Variants in KCNN3 observed in about 807,000 individuals in gnomAD.
KCNN3 encodes the protein small conductance calcium-activated potassium channel protein 3.
In KCNN3, 16 loss-of-function variants were observed where a neutral mutation model predicts 62.9. The ratio of observed to expected loss-of-function variants is 0.25; its 90% CI spans 0.17 to 0.39. The LOEUF is 0.39. Among genes scored for constraint, KCNN3 ranks in the 10% least tolerant of loss-of-function variants. KCNN3 has a pLI of 1.00. For missense variants in KCNN3, 599 were observed against 949.4 expected, an observed-to-expected ratio of 0.63 and a Z score of 4.85; for synonymous variants, 370 against 389.2, an observed-to-expected ratio of 0.95 and a Z score of 0.58.
chr1:154,813,194 C>G (rs1346738742), intron 2 of KCNN3, among the ~76,000 whole-genome samples: 1 of 145,728 alleles, frequency 6.9e-6, no homozygotes. Flanking sequence ...TTGGGCAGGG[C>G]AGTTGTTAGG....
intron 4 of KCNN3, among the ~76,000 whole-genome samples, chr1:154,729,827 G>T (rs1700552232): frequency 6.6e-6 from 1 of 152,190 alleles, no homozygotes; most frequent in South Asian, 2.1e-4. Flanking sequence ...GACTCAATTT[G>T]TGCTACCTTT....
chr1:154,756,918 C>T (rs10908435), intron 3 of KCNN3, among the ~76,000 whole-genome samples: 54,839 of 151,976 alleles, frequency 0.36, 10,598 homozygotes, highest in Non-Finnish European at 0.44. Context: ...CAGAGCTCCA[C>T]ACCTATACAT....
At chr1:154,737,624 G>A (rs1027345042) in intron 3 of KCNN3, among the ~76,000 whole-genome samples, 3 of 152,000 alleles carry the variant, frequency 2.0e-5, no homozygotes, top group Non-Finnish European at 4.4e-5. Flanking sequence ...TATAATTAAC[G>A]TAAGAGAGAG....
intron 3 of KCNN3, among the ~76,000 whole-genome samples, chr1:154,769,722 G>A (rs909632988): frequency 7.9e-5 from 12 of 152,142 alleles, no homozygotes; most frequent in African/African-American, 2.9e-4. Context: ...AAAGGGCTAC[G>A]CAAATTCAAT....
intron 1 of KCNN3, among the ~76,000 whole-genome samples, chr1:154,822,390 C>G (rs951238585): frequency 6.6e-6 from 1 of 152,164 alleles, no homozygotes; most frequent in Non-Finnish European, 1.5e-5. Context: ...GCAGCTGCCC[C>G]CTTTGAGCCT....
intron 3 of KCNN3, among the ~76,000 whole-genome samples, chr1:154,733,504 T>C (rs962266683): frequency 6.6e-6 from 1 of 152,212 alleles, no homozygotes; most frequent in Non-Finnish European, 1.5e-5. Flanking sequence ...TCTAAATGTA[T>C]GTGGATGTGA....
intron 2 of KCNN3, among the ~76,000 whole-genome samples, chr1:154,788,101 A>T (rs1044673398): frequency 1.3e-5 from 2 of 152,184 alleles, no homozygotes; most frequent in Admixed American, 1.3e-4. Flanking sequence ...GGAAACAGGG[A>T]TGGATGGGCC....
At chr1:154,779,065 A>C (rs1557971749) in intron 2 of KCNN3, among the ~76,000 whole-genome samples, 1 of 152,140 alleles carries the variant, frequency 6.6e-6, no homozygotes, top group Non-Finnish European at 1.5e-5. Context: ...CCCAGCCTGC[A>C]GCCAGTACCA....
At chr1:154,769,652 T>C (rs916105805) in intron 3 of KCNN3, among the ~76,000 whole-genome samples, 3 of 152,250 alleles carry the variant, frequency 2.0e-5, no homozygotes, top group African/African-American at 7.2e-5. Context: ...TGTTGCATGT[T>C]CAGCCATCTG....
chr1:154,753,189 A>G (rs553415732), intron 3 of KCNN3, among the ~76,000 whole-genome samples: 1 of 152,298 alleles, frequency 6.6e-6, no homozygotes, highest in African/African-American at 2.4e-5. Context: ...TAACTCAGTA[A>G]GTTTGACAAC....
At position 154,707,229 on chromosome 1, in the gene KCNN3, C is replaced by A. The variant is rs1699981011; in HGVS notation, c.*747G>T. ...CCCCATGTTCAGATTCAGACCAACT[C>A]AAAACACATGTAAGGGGTGCCTATT... On this transcript the variant is annotated 3_prime_UTR_variant, in exon 8 of 8. Coordinates refer to ENST00000271915, the MANE Select transcript of KCNN3 (RefSeq NM_002249.6). The A allele has an allele frequency of 6.6e-6, 1 of 152,186 alleles. No individual in the cohort carries two copies. Among genetic ancestry groups the A allele is most frequent in the Non-Finnish European group, 1.5e-5 (1 of 68,034 alleles). 9.4% of individuals were successfully genotyped at this position (152,186 alleles called of 1,614,324 possible). A position where few individuals can be genotyped will look rare whatever the true frequency, so the allele number is the denominator to read the frequency against.
intron 2 of KCNN3, among the ~76,000 whole-genome samples, chr1:154,786,534 G>A (rs1361777664): frequency 6.6e-6 from 1 of 152,158 alleles, no homozygotes. Context: ...TAAGTAAAAA[G>A]AGAAACTTAC....
At chr1:154,718,547 ACT>A (rs1700279454) in intron 5 of KCNN3, among the ~76,000 whole-genome samples, 1 of 152,090 alleles carries the variant, frequency 6.6e-6, no homozygotes, top group Non-Finnish European at 1.5e-5. Context: ...ACTCTCTGAG[ACT>A]CTCTTTGTTC....
chr1:154,869,852 TGTTGCTGCTGC>T lies in KCNN3; in HGVS notation c.102_112del (p.Gln35AlafsTer96), dbSNP rs758287149. 6.3e-7 allele frequency: 1 copy of T among 1,583,698 alleles called. No homozygotes were observed. Among genetic ancestry groups the T allele is most frequent in the Admixed American group, 1.8e-5 (1 of 56,348 alleles). On this transcript the variant is annotated frameshift_variant, in exon 1 of 8. Transcript: ENST00000271915. LOFTEE classifies it high-confidence loss of function. The surrounding 1 kb of genome is among the most constrained non-coding windows in gnomAD (Gnocchi z 6.1). ...CGCTGGCGGTGGTGGCTGCTGCTGC[TGTTGCTGCTGC>T]TGCTGCTGCTGCTGCTCATCCCCAG...
chr1:154,725,791 C>G, intron 5 of KCNN3, 125 bp downstream of exon 5: 1 of 726,888 alleles, frequency 1.4e-6, no homozygotes, highest in Non-Finnish European at 2.5e-6. Context: ...GATCGACCCT[C>G]CTCAGCCTCC....
intron 1 of KCNN3, among the ~76,000 whole-genome samples, chr1:154,841,290 C>T (rs1055855800): frequency 6.6e-5 from 10 of 152,216 alleles, no homozygotes; most frequent in African/African-American, 1.9e-4. Context: ...GCGCTCTCCA[C>T]GTGTCTGCAT....
rs947767118 is a variant in KCNN3 at position 154,867,720 on chromosome 1, A to AC, written c.933+1311dup. ...TACCCGATGGCCAGCCCGCCCAGCCACCCCCCCACCAAGCCACCCCCTGCC... is the reference window on the plus strand; with the variant it reads ...TACCCGATGGCCAGCCCGCCCAGCCACCCCCCCCACCAAGCCACCCCCTGCC... On this transcript the variant is annotated intron_variant, in intron 1 of 7. Coordinates refer to ENST00000271915, the MANE Select transcript of KCNN3 (RefSeq NM_002249.6). 6.1e-3 allele frequency among the ~76,000 whole-genome samples: 109 copies of AC among 17,936 alleles called. 3 individuals are homozygous for AC. The South Asian group carries it at 0.088, about 15-fold the overall frequency. The allele number at this position is 17,936 out of a possible 152,430, so 11.8% of individuals were successfully genotyped here.
intron 7 of KCNN3, among the ~76,000 whole-genome samples, chr1:154,711,525 T>C (rs1700075439): frequency 6.8e-6 from 1 of 147,676 alleles, no homozygotes; most frequent in Admixed American, 6.7e-5. Flanking sequence ...AAAAAGAAAG[T>C]TTGGTTTGCC....
At position 154,726,112 on chromosome 1, in the gene KCNN3, G is replaced by A. The variant is rs561582308; in HGVS notation, c.1591-86C>T. ...GAGACTCAACACGCCTGGCGGCCAC[G>A]GGGGTAATTTCCTGGGAGTGGAGTG... On this transcript the variant is annotated intron_variant, in intron 4 of 7. Coordinates refer to ENST00000271915, the MANE Select transcript of KCNN3 (RefSeq NM_002249.6). 137 of 985,828 alleles carry A rather than the reference G, an allele frequency of 1.4e-4. 2 individuals carry two copies. Among genetic ancestry groups the A allele is most frequent in the African/African-American group, 1.2e-3 (76 of 63,054 alleles). 61.1% of individuals were successfully genotyped at this position (985,828 alleles called of 1,614,324 possible).
Sources: gnomAD v4.1 joint callset for allele counts (sites outside exome capture counted in the v4.1 genomes callset) on GRCh38, gnomAD v4.1.1 for gene constraint, Gnocchi (gnomAD v3.1) non-coding constraint, MANE v1.5 for transcripts, NCBI Gene and HGNC (gene_info 2026-07-23, HGNC 2026-07-21) for gene names.